XXYLT1: variants seen among roughly 807,000 people sequenced by gnomAD.
The protein encoded by XXYLT1 is xyloside xylosyltransferase 1.
XXYLT1 carries 20 observed loss-of-function variants against 28.9 expected under a neutral mutation model. The observed-to-expected ratio is 0.69, with a 90% CI of 0.49 to 1.00. XXYLT1 has a LOEUF of 1.00. Among genes scored for constraint, XXYLT1 ranks in the 50% least tolerant of loss-of-function variants. The pLI is 0.00. For missense variants in XXYLT1, 542 were observed against 560.1 expected, an observed-to-expected ratio of 0.97 and a Z score of 0.33; for synonymous variants, 257 against 253.8, an observed-to-expected ratio of 1.01 and a Z score of -0.12.
At chr3:195,186,760 T>A (rs1263945581) in intron 2 of XXYLT1, among the ~76,000 whole-genome samples, 1 of 152,124 alleles carries the variant, frequency 6.6e-6, no homozygotes, top group Admixed American at 6.5e-5. Flanking sequence ...CATCTGTTTT[T>A]CTAACCCCCA....
Position 195,256,748 on chromosome 3 carries a change from C to T in XXYLT1, c.504+13807G>A, listed in dbSNP as rs1418946292. On this transcript the variant is annotated intron_variant, in intron 1 of 3. Coordinates refer to ENST00000310380, the MANE Select transcript of XXYLT1 (RefSeq NM_152531.5). The surrounding 1 kb of genome is among the most constrained non-coding windows in gnomAD (Gnocchi z 4.2). Reference sequence around the variant, plus strand: ...AGGCCTTGCTAACAGAAGCCAGGGTCAGAGGAAGACCCAGAACTCAGGATC... The same window carrying T: ...AGGCCTTGCTAACAGAAGCCAGGGTTAGAGGAAGACCCAGAACTCAGGATC... Among the ~76,000 whole-genome samples, 1 of 152,222 alleles carries T rather than the reference C, an allele frequency of 6.6e-6. No individual in the cohort carries two copies. The highest frequency in any genetic ancestry group is 1.9e-4 in the East Asian group (1 of 5,200).
In XXYLT1 at chr3:195,077,011, A is replaced by G. The variant is rs1365937090; in HGVS notation, c.786-6900T>C. ...CTTCAACCCACAGCACTCTCCAGCA[A>G]TGAAGATGGAGAAAAACACCACAGC... is the stretch of plus-strand genomic sequence containing the variant. On this transcript the variant is annotated intron_variant, in intron 3 of 3. Coordinates refer to ENST00000310380, the MANE Select transcript of XXYLT1 (RefSeq NM_152531.5). The surrounding 1 kb of genome is among the most constrained non-coding windows in gnomAD (Gnocchi z 4.8). 1.3e-5 allele frequency among the ~76,000 whole-genome samples: 2 copies of G among 152,214 alleles called. No homozygotes were observed. The highest frequency in any genetic ancestry group is 2.9e-5 in the Non-Finnish European group (2 of 68,040).
At chr3:195,267,600 ATTTAAGACACGTCAAT>A (rs1577213443) in intron 1 of XXYLT1, among the ~76,000 whole-genome samples, 1 of 152,244 alleles carries the variant, frequency 6.6e-6, no homozygotes, top group East Asian at 1.9e-4. Flanking sequence ...GGGAGGCAGC[ATTTAAGACACGTCAAT>A]GTCAGTGCCC....
intron 2 of XXYLT1, among the ~76,000 whole-genome samples, chr3:195,188,056 G>C (rs774868764): frequency 4.6e-5 from 7 of 152,190 alleles, no homozygotes; most frequent in Non-Finnish European, 8.8e-5. Context: ...ATTTAGATGT[G>C]AGAGTAAACA....
At chr3:195,162,310 C>T (rs1720913809) in intron 2 of XXYLT1, among the ~76,000 whole-genome samples, 1 of 152,162 alleles carries the variant, frequency 6.6e-6, no homozygotes, top group Non-Finnish European at 1.5e-5. Flanking sequence ...TCTGCCCAGA[C>T]AGGAAGGCCT....
chr3:195,164,657 G>A (rs1315183387), intron 2 of XXYLT1, among the ~76,000 whole-genome samples: 1 of 152,230 alleles, frequency 6.6e-6, no homozygotes, highest in South Asian at 2.1e-4. Context: ...AGAGAGTTCT[G>A]TGAGCAGGAT....
At chr3:195,203,485 G>A (rs1335491757) in intron 2 of XXYLT1, among the ~76,000 whole-genome samples, 1 of 152,146 alleles carries the variant, frequency 6.6e-6, no homozygotes, top group African/African-American at 2.4e-5. Flanking sequence ...CCACCCCCAG[G>A]CTTGGGACTG....
intron 1 of XXYLT1, 140 bp from the exon 2 acceptor site, chr3:195,226,996 G>T (rs1180569629): frequency 3.9e-6 from 4 of 1,016,214 alleles, no homozygotes; most frequent in Non-Finnish European, 5.6e-6. Context: ...GGGGCTAGGG[G>T]TAGCAACGGA....
intron 2 of XXYLT1, among the ~76,000 whole-genome samples, chr3:195,177,995 A>C (rs1721759186): frequency 6.6e-6 from 1 of 151,798 alleles, no homozygotes; most frequent in African/African-American, 2.4e-5. Context: ...CTGGAGTATC[A>C]GTTACAAGGG....
At chr3:195,253,766 T>C (rs926532602) in intron 1 of XXYLT1, among the ~76,000 whole-genome samples, 1 of 152,132 alleles carries the variant, frequency 6.6e-6, no homozygotes, top group Non-Finnish European at 1.5e-5. Context: ...CCCAAAGTTC[T>C]AGGATTACAG....
At chr3:195,144,402 A>G (rs1027435128) in intron 3 of XXYLT1, among the ~76,000 whole-genome samples, 9 of 151,492 alleles carry the variant, frequency 5.9e-5, no homozygotes, top group Non-Finnish European at 1.2e-4. Context: ...TTTGAGACAC[A>G]GTCTTGCCCT....
chr3:195,105,378 A>T (rs1717026172), intron 3 of XXYLT1, among the ~76,000 whole-genome samples: 1 of 152,254 alleles, frequency 6.6e-6, no homozygotes, highest in African/African-American at 2.4e-5. Context: ...TGATCCTGTG[A>T]CTGGAGAGTA....
intron 1 of XXYLT1, among the ~76,000 whole-genome samples, chr3:195,262,477 G>T (rs74288789): frequency 0.031 from 4,471 of 145,406 alleles, 141 homozygotes; most frequent in East Asian, 0.11. Flanking sequence ...TATGGTACAT[G>T]AATTATATTT....
chr3:195,072,402 G>A (rs1343429246), intron 3 of XXYLT1, among the ~76,000 whole-genome samples: 2 of 152,174 alleles, frequency 1.3e-5, no homozygotes, highest in Admixed American at 6.5e-5. Context: ...ACCTCGGCAG[G>A]AACGCTCCCA....
rs998599622 is a variant in XXYLT1 at position 195,197,110 on chromosome 3, C to G, written c.652+29599G>C. 2.0e-5 allele frequency among the ~76,000 whole-genome samples: 3 copies of G among 152,322 alleles called. No homozygotes were observed. In the East Asian group the frequency reaches 5.8e-4, roughly 29 times the overall value. On this transcript the variant is annotated intron_variant, in intron 2 of 3. Transcript: ENST00000310380. ...AGCTTGTAACTTAAAACAATAGCAG[C>G]TAGTCTCCATTTTCCTCTGGGATAT...
At chr3:195,184,672 A>G (rs1051803871) in intron 2 of XXYLT1, 42 of 985,326 alleles carry the variant, frequency 4.3e-5, no homozygotes, top group Admixed American at 6.1e-5. Context: ...CGGAGAACCA[A>G]CAGAATTCCT....
intron 2 of XXYLT1, among the ~76,000 whole-genome samples, chr3:195,204,153 G>T (rs948126927): frequency 4.6e-5 from 7 of 151,832 alleles, no homozygotes. Context: ...GACCAGCCTG[G>T]CCAGGATGAT....
rs1477079983 is a variant in XXYLT1 at position 195,069,009 on chromosome 3, TG to T, written c.*705del. On this transcript the variant is annotated 3_prime_UTR_variant, in exon 4 of 4. Transcript: ENST00000310380. Reference sequence around the variant, plus strand: ...GTCTGGTCACCTGGAGCTGGTTTGGTGGAATAAAGGACAATGGGGTTCTAGG... The same window carrying T: ...GTCTGGTCACCTGGAGCTGGTTTGGTGAATAAAGGACAATGGGGTTCTAGG... 1 of 152,142 alleles carries T rather than the reference TG, an allele frequency of 6.6e-6. No homozygotes were observed. The highest frequency in any genetic ancestry group is 1.5e-5 in the Non-Finnish European group (1 of 68,040). 9.4% of individuals were successfully genotyped at this position (152,142 alleles called of 1,614,324 possible).
At chr3:195,174,670 T>G in intron 2 of XXYLT1, among the ~76,000 whole-genome samples, 1 of 138,092 alleles carries the variant, frequency 7.2e-6, no homozygotes. Flanking sequence ...CCTCCCTCCT[T>G]TCCTTCCCTC....
Sources: gnomAD v4.1 joint callset for allele counts (sites outside exome capture counted in the v4.1 genomes callset) on GRCh38, gnomAD v4.1.1 for gene constraint, Gnocchi (gnomAD v3.1) non-coding constraint, MANE v1.5 for transcripts, NCBI Gene and HGNC (gene_info 2026-07-23, HGNC 2026-07-21) for gene names.